The following ORC2 variants were observed in gnomAD, a reference collection of about 807,000 sequenced individuals.
ORC2 encodes origin recognition complex subunit 2, also known as origin recognition complex protein 2 homolog.
A neutral mutation model predicts 77.7 loss-of-function variants in ORC2; 37 were observed. The observed-to-expected ratio is 0.48, with a 90% CI of 0.37 to 0.63. ORC2 has a LOEUF of 0.63. Among genes scored for constraint, ORC2 ranks in the 20% least tolerant of loss-of-function variants. The pLI is 0.00. For missense variants in ORC2, 557 were observed against 661.9 expected, an observed-to-expected ratio of 0.84 and a Z score of 1.74; for synonymous variants, 201 against 229.5, an observed-to-expected ratio of 0.88 and a Z score of 1.12.
chr2:200,926,085 A>G (rs2040833535), intron 12 of ORC2, among the ~76,000 whole-genome samples, 153 bp from the exon 13 acceptor site: 1 of 152,234 alleles, frequency 6.6e-6, no homozygotes, highest in African/African-American at 2.4e-5. Context: ...GTACTTGAGT[A>G]TATCTAATTC....
At chr2:200,919,786 T>G (rs1360318178) in intron 15 of ORC2, among the ~76,000 whole-genome samples, 5 of 152,214 alleles carry the variant, frequency 3.3e-5, no homozygotes, top group African/African-American at 9.6e-5. Context: ...TTTAAGAGCA[T>G]GAGTTTTGGA....
At chr2:200,945,822 G>C (rs2041240626) in intron 5 of ORC2, among the ~76,000 whole-genome samples, 1 of 151,830 alleles carries the variant, frequency 6.6e-6, no homozygotes, top group African/African-American at 2.4e-5. Context: ...CATTTAGCTT[G>C]ATTCCATATC....
At chr2:200,926,004 CT>C (rs925360491) in intron 12 of ORC2, 72 bp from the exon 13 acceptor site, 158 of 628,550 alleles carry the variant, frequency 2.5e-4, no homozygotes, top group African/African-American at 2.3e-3. Flanking sequence ...AAAATCAAAC[CT>C]TTTTTTATAA....
At chr2:200,954,281 G>A (rs1303545015) in intron 4 of ORC2, among the ~76,000 whole-genome samples, 6 of 152,026 alleles carry the variant, frequency 3.9e-5, no homozygotes, top group Non-Finnish European at 7.4e-5. Flanking sequence ...CGATCCACCC[G>A]CCTTGGCCTC....
At chr2:200,961,597 G>A (rs1311294880) in intron 1 of ORC2, among the ~76,000 whole-genome samples, 3 of 152,178 alleles carry the variant, frequency 2.0e-5, no homozygotes, top group Non-Finnish European at 4.4e-5. Flanking sequence ...TTCATTGGGT[G>A]AAACATCACT....
At chr2:200,927,837 C>A (rs1559010467) in intron 11 of ORC2, among the ~76,000 whole-genome samples, 1 of 151,048 alleles carries the variant, frequency 6.6e-6, no homozygotes, top group Non-Finnish European at 1.5e-5. Flanking sequence ...AGCTGGATTA[C>A]AGGCGCCCGC....
rs1384618853 is a variant in ORC2, at chr2:200,957,544, C to G, written c.95G>C (p.Gly32Ala). Residue 32 changes from glycine (G) to alanine (A), a missense_variant and splice_region_variant, in exon 4 of 18, where the codon GGA (glycine) becomes GCA (alanine). Physicochemically the swap from Gly to Ala is moderately conservative, Grantham distance 60. Transcript: ENST00000234296. ...CGCTCGCTCCTTCTTCAATTTAGCT[C>G]CTATAAGAACATCCAAAGAAATAGA... is the stretch of plus-strand genomic sequence containing the variant. ...VLNHILDREG[G>A]AKLKKERAQL... 2 of 1,582,838 alleles carry G rather than the reference C, an allele frequency of 1.3e-6. No individual in the cohort carries two copies. Among genetic ancestry groups the G allele is most frequent in the Admixed American group, 3.6e-5 (2 of 55,042 alleles).
At chr2:200,927,232 C>T (rs567312552) in intron 11 of ORC2, among the ~76,000 whole-genome samples, 3 of 151,934 alleles carry the variant, frequency 2.0e-5, no homozygotes, top group Non-Finnish European at 4.4e-5. Context: ...TACAGCTGTG[C>T]ACCACCATAC....
chr2:200,933,894 C>G lies in ORC2; in HGVS notation c.789G>C (p.Lys263Asn). Residue 263 changes from lysine (K) to asparagine (N), a missense_variant, in exon 10 of 18, where the codon AAG becomes AAC. Lys to Asn is a moderately conservative substitution (Grantham distance 94). Transcript: ENST00000234296. ...LTSDRTLQKL[K>N]RAKLDQQTLR... ...AACATACCTGATCCAGTTTAGCTCT[C>G]TTTAGCTTCTGCAGTGTTCTATCAG... 1 of 1,605,674 alleles carries G rather than the reference C, an allele frequency of 6.2e-7. No individual in the cohort carries two copies. The highest frequency in any genetic ancestry group is 8.5e-7 in the Non-Finnish European group (1 of 1,175,082).
At chr2:200,921,339 G>A (rs187622938) in intron 13 of ORC2, 200 bp from the exon 14 acceptor site, 26 of 308,172 alleles carry the variant, frequency 8.4e-5, no homozygotes, top group African/African-American at 4.9e-4. Flanking sequence ...TTTTTTGGTA[G>A]AGACGGGGTC....
intron 1 of ORC2, among the ~76,000 whole-genome samples, chr2:200,960,285 T>A (rs976226708): frequency 2.6e-5 from 4 of 151,998 alleles, no homozygotes; most frequent in South Asian, 2.1e-4. Context: ...GTCAAAAAAA[T>A]TTTTTTAAAC....
At chr2:200,913,893 C>T (rs1553492281) in intron 16 of ORC2, 38 bp downstream of exon 16, 1 of 1,550,440 alleles carries the variant, frequency 6.4e-7, no homozygotes, top group South Asian at 1.2e-5. Flanking sequence ...CAGGGTAAAA[C>T]AAAAATTACA....
chr2:200,957,621 A>G, intron 3 of ORC2, 77 bp from the exon 4 acceptor site: 2 of 1,076,970 alleles, frequency 1.9e-6, no homozygotes, highest in East Asian at 5.9e-5. Flanking sequence ...AAGAAATTAT[A>G]ATATTTATAT....
At chr2:200,959,761 T>C (rs1244174401) in intron 1 of ORC2, among the ~76,000 whole-genome samples, 1 of 152,150 alleles carries the variant, frequency 6.6e-6, no homozygotes, top group African/African-American at 2.4e-5. Flanking sequence ...TCATACTTTG[T>C]GTATAAAGAT....
intron 4 of ORC2, among the ~76,000 whole-genome samples, chr2:200,950,622 T>C (rs768652655): frequency 6.6e-6 from 1 of 152,214 alleles, no homozygotes; most frequent in Non-Finnish European, 1.5e-5. Flanking sequence ...ATGGAATGCG[T>C]GAAGAAGAAA....
chr2:200,940,376 G>T (rs2041125333), intron 7 of ORC2, among the ~76,000 whole-genome samples: 1 of 152,112 alleles, frequency 6.6e-6, no homozygotes, highest in South Asian at 2.1e-4. Context: ...ACCCTTTACA[G>T]ACAAACTAAA....
Position 200,909,396 on chromosome 2 carries a change from G to A in ORC2, c.*1905C>T, listed in dbSNP as rs185479667. The A allele has an allele frequency of 6.6e-6, 1 of 152,136 alleles. No homozygotes were observed. The highest frequency in any genetic ancestry group is 6.6e-5 in the Admixed American group (1 of 15,258). The allele number at this position is 152,136 out of a possible 1,614,324, so 9.4% of individuals were successfully genotyped here. A position where few individuals can be genotyped will look rare whatever the true frequency, so the allele number is the denominator to read the frequency against. Reference sequence around the variant, plus strand: ...ATGTACAAATTTGTTTAAACATTTTGACTAGAGGTTATATTTAAGACTAAG... The same window carrying A: ...ATGTACAAATTTGTTTAAACATTTTAACTAGAGGTTATATTTAAGACTAAG... On this transcript the variant is annotated 3_prime_UTR_variant, in exon 18 of 18. Coordinates refer to ENST00000234296, the MANE Select transcript of ORC2 (RefSeq NM_006190.5).
chr2:200,932,941 T>C lies in ORC2; in HGVS notation c.807+935A>G, dbSNP rs16835889. 2.5e-3 allele frequency among the ~76,000 whole-genome samples: 376 copies of C among 152,342 alleles called. 1 individual carries two copies. Among genetic ancestry groups the C allele is most frequent in the African/African-American group, 8.1e-3 (335 of 41,578 alleles). On this transcript the variant is annotated intron_variant, in intron 10 of 17. Transcript: ENST00000234296. ...TACTGAAGATTGTATTGGTTAGCTA[T>C]GCTATGTTTACGCCCAATGAAAGGC...
chr2:200,957,826 T>G (rs1247949912), intron 3 of ORC2, among the ~76,000 whole-genome samples: 1 of 152,162 alleles, frequency 6.6e-6, no homozygotes, highest in Non-Finnish European at 1.5e-5. Flanking sequence ...CTGGGCATTT[T>G]GTTTTATATT....
Sources: gnomAD v4.1 joint callset for allele counts (sites outside exome capture counted in the v4.1 genomes callset) on GRCh38, gnomAD v4.1.1 for gene constraint, MANE v1.5 for transcripts, NCBI Gene and HGNC (gene_info 2026-07-23, HGNC 2026-07-21) for gene names.